The following CFAP77 variants were observed in gnomAD, a reference collection of about 807,000 sequenced individuals.
The protein encoded by CFAP77 is cilia- and flagella-associated protein 77.
Under a neutral mutation model 31.1 loss-of-function variants are expected in CFAP77, and 25 were observed. The observed-to-expected ratio is 0.80, with a 90% CI of 0.59 to 1.12. The LOEUF (loss-of-function observed/expected upper bound fraction) is 1.12, where lower values mean the gene tolerates loss of function less well. CFAP77 is among the 50% of genes most tolerant of loss of function. The pLI is 0.00. For missense variants in CFAP77, 377 were observed against 397.3 expected, an observed-to-expected ratio of 0.95 and a Z score of 0.44; for synonymous variants, 151 against 159.9, an observed-to-expected ratio of 0.94 and a Z score of 0.42.
chr9:132,485,421 G>A (rs777052800), intron 1 of CFAP77, among the ~76,000 whole-genome samples: 14 of 152,198 alleles, frequency 9.2e-5, no homozygotes, highest in Non-Finnish European at 1.3e-4. Context: ...CAGCTCGGGT[G>A]GCTTGGCCCC....
intron 5 of CFAP77, among the ~76,000 whole-genome samples, chr9:132,566,174 G>T (rs373152631): frequency 1.3e-5 from 2 of 152,094 alleles, no homozygotes; most frequent in Admixed American, 6.5e-5. Context: ...TGCTTGGAGA[G>T]GGGGGAGCGT....
chr9:132,556,484 CTT>C (rs1410087720), intron 5 of CFAP77, among the ~76,000 whole-genome samples: 1 of 152,170 alleles, frequency 6.6e-6, no homozygotes, highest in East Asian at 1.9e-4. Context: ...GCCTCACTGT[CTT>C]TGTGAAGTTT....
chr9:132,446,743 C>CAAAA, intron 1 of CFAP77, among the ~76,000 whole-genome samples: 1 of 66,062 alleles, frequency 1.5e-5, no homozygotes, highest in Admixed American at 1.8e-4. Flanking sequence ...TCCTCCGTCT[C>CAAAA]AAAAAAAAAA....
intron 5 of CFAP77, among the ~76,000 whole-genome samples, chr9:132,559,757 T>G (rs966646401): frequency 6.6e-6 from 1 of 152,138 alleles, no homozygotes; most frequent in African/African-American, 2.4e-5. Context: ...CTCATAATAG[T>G]CAAAAGTGGA....
chr9:132,515,735 T>G (rs1245064052), intron 3 of CFAP77, among the ~76,000 whole-genome samples: 1 of 152,102 alleles, frequency 6.6e-6, no homozygotes, highest in African/African-American at 2.4e-5. Context: ...ATAGAGAACT[T>G]GCCTTGAAGC....
intron 5 of CFAP77, among the ~76,000 whole-genome samples, chr9:132,570,102 T>C (rs140062163): frequency 6.6e-6 from 1 of 152,294 alleles, no homozygotes; most frequent in East Asian, 1.9e-4. Context: ...GGCCACCACT[T>C]GCCAGAAGGT....
At chr9:132,439,576 G>A (rs1376939158) in intron 1 of CFAP77, among the ~76,000 whole-genome samples, 2 of 152,102 alleles carry the variant, frequency 1.3e-5, no homozygotes, top group Non-Finnish European at 2.9e-5. Flanking sequence ...GCCGGGAGTG[G>A]TGGCTCACAC....
At chr9:132,443,179 G>A (rs143070016) in intron 1 of CFAP77, among the ~76,000 whole-genome samples, 7 of 151,564 alleles carry the variant, frequency 4.6e-5, no homozygotes, top group African/African-American at 1.7e-4. Context: ...GTATAGATAT[G>A]CTGCAATTTA....
At chr9:132,505,545 G>A (rs1478840780) in intron 3 of CFAP77, among the ~76,000 whole-genome samples, 1 of 152,020 alleles carries the variant, frequency 6.6e-6, no homozygotes, top group Non-Finnish European at 1.5e-5. Flanking sequence ...TCCTGGGGCT[G>A]TGGCTAAATC....
At chr9:132,487,581 AT>A (rs1247373506) in intron 1 of CFAP77, among the ~76,000 whole-genome samples, 2 of 142,772 alleles carry the variant, frequency 1.4e-5, no homozygotes, top group Non-Finnish European at 3.0e-5. Flanking sequence ...ATCTTTTTCA[AT>A]GCATTTTTTT....
chr9:132,541,241 C>T (rs947899209), intron 4 of CFAP77, among the ~76,000 whole-genome samples: 9 of 152,300 alleles, frequency 5.9e-5, no homozygotes, highest in Admixed American at 3.3e-4. Context: ...CTTGGCCAGC[C>T]GCCCTCCTCA....
Position 132,494,154 on chromosome 9 carries a change from T to C in CFAP77, c.196-4541T>C, listed in dbSNP as rs532072773. 8.5e-5 allele frequency among the ~76,000 whole-genome samples: 13 copies of C among 152,288 alleles called. No individual in the cohort carries two copies. In the South Asian group the frequency reaches 1.0e-3, roughly 12 times the overall value. On this transcript the variant is annotated intron_variant, in intron 1 of 5. Transcript: ENST00000393216. The stretch of plus-strand genomic sequence containing the variant: ...CTCAAATTCCTGGGCTCAAATTGTC[T>C]GCTTGTCTTGGCCTCCCAAAGGGCC...
At chr9:132,470,420 C>T (rs1435032661) in intron 1 of CFAP77, among the ~76,000 whole-genome samples, 1 of 152,118 alleles carries the variant, frequency 6.6e-6, no homozygotes, top group Non-Finnish European at 1.5e-5. Flanking sequence ...CATTGTGGAT[C>T]CTGAGTCCTC....
chr9:132,569,798 C>T (rs1829933076), intron 5 of CFAP77, among the ~76,000 whole-genome samples: 1 of 145,784 alleles, frequency 6.9e-6, no homozygotes, highest in Admixed American at 7.1e-5. Context: ...TGCAGTGGCA[C>T]AATCTCGGCT....
intron 1 of CFAP77, among the ~76,000 whole-genome samples, chr9:132,471,444 C>T (rs924126001): frequency 3.3e-5 from 5 of 149,382 alleles, no homozygotes; most frequent in African/African-American, 9.9e-5. Context: ...CCTTTAAGGA[C>T]CCCCCCCCAC....
chr9:132,515,632 C>G (rs1340062879), intron 3 of CFAP77, among the ~76,000 whole-genome samples: 1 of 152,150 alleles, frequency 6.6e-6, no homozygotes, highest in African/African-American at 2.4e-5. Flanking sequence ...ACTCCTTTCC[C>G]TCCTGGAAAG....
At chr9:132,519,139 C>T (rs2363020) in intron 3 of CFAP77, among the ~76,000 whole-genome samples, 64,190 of 148,262 alleles carry the variant, frequency 0.43, 14,319 homozygotes, top group East Asian at 0.77. Context: ...ATTAATGCTC[C>T]TAGATGGTCC....
chr9:132,499,600 G>A lies in CFAP77; in HGVS notation c.524G>A (p.Arg175Gln), dbSNP rs561494397. 2.8e-5 allele frequency: 45 copies of A among 1,614,004 alleles called. No homozygotes were observed. In the South Asian group the frequency reaches 3.4e-4, roughly 12 times the overall value. Residue 175 changes from arginine (R) to glutamine (Q), a missense_variant and splice_region_variant, in exon 3 of 6, where the codon CGG (arginine) becomes CAG (glutamine). By Grantham distance (43) the Arg-to-Gln change is conservative. Transcript: ENST00000393216. This position sits in a 1 kb window ranked among gnomAD's most constrained non-coding sequence, Gnocchi z 5.4. ...PPNMTFGIRA[R>Q]PSTPFFDLLQ... ...AACATGACATTTGGGATCCGGGCAC[G>A]GTAAGGTGGCTGGCAGCCAGGGCTT...
chr9:132,483,432 G>A (rs887687921), intron 1 of CFAP77, among the ~76,000 whole-genome samples: 1 of 152,108 alleles, frequency 6.6e-6, no homozygotes, highest in Non-Finnish European at 1.5e-5. Context: ...TCTGACCCAC[G>A]AGGGGTTGTG....
Sources: gnomAD v4.1 joint callset for allele counts (sites outside exome capture counted in the v4.1 genomes callset) on GRCh38, gnomAD v4.1.1 for gene constraint, Gnocchi (gnomAD v3.1) non-coding constraint, MANE v1.5 for transcripts, NCBI Gene and HGNC (gene_info 2026-07-23, HGNC 2026-07-21) for gene names.